Variants in LAMA2 observed in about 807,000 individuals in gnomAD.
The protein encoded by LAMA2 is laminin subunit alpha-2.
Under a neutral mutation model 364.8 loss-of-function variants are expected in LAMA2, and 269 were observed. The ratio of observed to expected loss-of-function variants is 0.74; its 90% CI spans 0.67 to 0.82. The LOEUF is 0.82. Among genes scored for constraint, LAMA2 ranks in the 40% least tolerant of loss-of-function variants. The pLI is 0.00. For missense variants in LAMA2, 3,807 were observed against 3,873.2 expected, an observed-to-expected ratio of 0.98 and a Z score of 0.45; for synonymous variants, 1,379 against 1,370.6, an observed-to-expected ratio of 1.01 and a Z score of -0.14.
chr6:129,332,584 A>G (rs897734661), intron 29 of LAMA2, among the ~76,000 whole-genome samples: 9 of 152,166 alleles, frequency 5.9e-5, no homozygotes, highest in African/African-American at 1.9e-4. Flanking sequence ...AAGAATTGCT[A>G]TATTTACACT....
At chr6:128,924,282 A>G (rs1204247251) in intron 1 of LAMA2, among the ~76,000 whole-genome samples, 1 of 152,116 alleles carries the variant, frequency 6.6e-6, no homozygotes, top group Admixed American at 6.5e-5. Flanking sequence ...TTCCATTAAC[A>G]TGGTGTTATA....
At chr6:128,910,282 C>T (rs563926124) in intron 1 of LAMA2, among the ~76,000 whole-genome samples, 19 of 152,370 alleles carry the variant, frequency 1.2e-4, no homozygotes, top group Non-Finnish European at 2.4e-4. Flanking sequence ...ACCAATCAGA[C>T]GTGGATTTGG....
chr6:128,949,748 A>T (rs998926691), intron 1 of LAMA2, among the ~76,000 whole-genome samples: 2 of 152,174 alleles, frequency 1.3e-5, no homozygotes, highest in African/African-American at 4.8e-5. Flanking sequence ...AGTCTTTTGT[A>T]ACTTATTTTA....
chr6:129,346,934 C>A (rs1451119664), intron 30 of LAMA2, among the ~76,000 whole-genome samples: 1 of 152,064 alleles, frequency 6.6e-6, no homozygotes, highest in Non-Finnish European at 1.5e-5. Flanking sequence ...CATGTGAATA[C>A]CTGCAGGAAG....
intron 40 of LAMA2, among the ~76,000 whole-genome samples, chr6:129,404,648 A>G (rs1780153879): frequency 6.6e-6 from 1 of 152,154 alleles, no homozygotes. Context: ...GGTTAAAAAA[A>G]TCTCATAGGA....
intron 3 of LAMA2, among the ~76,000 whole-genome samples, chr6:129,064,927 G>T (rs1190050730): frequency 3.3e-5 from 5 of 152,126 alleles, no homozygotes; most frequent in Admixed American, 2.6e-4. Flanking sequence ...CCAGCCATTA[G>T]CCTGATACCA....
At chr6:128,932,891 A>G (rs1376602976) in intron 1 of LAMA2, among the ~76,000 whole-genome samples, 2 of 152,176 alleles carry the variant, frequency 1.3e-5, no homozygotes, top group Non-Finnish European at 2.9e-5. Context: ...TTCCAAATAA[A>G]CAGTACAATA....
chr6:129,052,675 G>A (rs145533142), intron 2 of LAMA2, among the ~76,000 whole-genome samples: 103 of 152,164 alleles, frequency 6.8e-4, no homozygotes, highest in African/African-American at 2.4e-3. Flanking sequence ...TTTACTTTTG[G>A]TGGTGTACCT....
chr6:128,933,489 AT>A (rs1779622513), intron 1 of LAMA2, among the ~76,000 whole-genome samples: 1 of 152,152 alleles, frequency 6.6e-6, no homozygotes. Flanking sequence ...AAGAATCTCT[AT>A]GCTTAATGCT....
intron 41 of LAMA2, 21 bp downstream of exon 41, chr6:129,427,875 T>A (rs1227584664): frequency 6.9e-7 from 1 of 1,440,606 alleles, no homozygotes; most frequent in Non-Finnish European, 9.8e-7. Flanking sequence ...CCATAGTTTT[T>A]ATTATATTCC....
chr6:129,151,237 G>A (rs148968792), intron 7 of LAMA2, among the ~76,000 whole-genome samples: 102 of 152,260 alleles, frequency 6.7e-4, no homozygotes, highest in African/African-American at 2.4e-3. Context: ...TGGCATCAGG[G>A]TTTTACATAT....
chr6:129,466,808 A>G (rs1783567149), intron 51 of LAMA2, among the ~76,000 whole-genome samples: 1 of 151,924 alleles, frequency 6.6e-6, no homozygotes, highest in South Asian at 2.1e-4. Flanking sequence ...AAGAGATAAC[A>G]GAACCAGTGC....
chr6:128,932,290 T>A (rs1779532045), intron 1 of LAMA2, among the ~76,000 whole-genome samples: 1 of 152,208 alleles, frequency 6.6e-6, no homozygotes, highest in African/African-American at 2.4e-5. Flanking sequence ...TAGGAGTGAC[T>A]GGGCCTTGTG....
intron 49 of LAMA2, among the ~76,000 whole-genome samples, chr6:129,460,684 A>G (rs998704180): frequency 2.0e-5 from 3 of 151,752 alleles, no homozygotes; most frequent in Non-Finnish European, 4.4e-5. Context: ...TTTTTTTCCT[A>G]AAGAGAGCTT....
At chr6:129,505,125 A>G (rs989350782) in intron 60 of LAMA2, 75 bp from the exon 61 acceptor site, 8 of 1,287,950 alleles carry the variant, frequency 6.2e-6, no homozygotes, top group Non-Finnish European at 9.1e-6. Flanking sequence ...ACATCGTTAG[A>G]GTCCTTATGT....
intron 1 of LAMA2, among the ~76,000 whole-genome samples, chr6:128,915,610 A>G (rs1216541120): frequency 6.6e-6 from 1 of 152,178 alleles, no homozygotes; most frequent in Non-Finnish European, 1.5e-5. Flanking sequence ...CTGTGTGAGC[A>G]CTATTGAAGT....
At chr6:129,484,018 GA>G (rs1241001224) in intron 55 of LAMA2, among the ~76,000 whole-genome samples, 1 of 152,138 alleles carries the variant, frequency 6.6e-6, no homozygotes, top group Non-Finnish European at 1.5e-5. Flanking sequence ...AAAATTCTTA[GA>G]AGAAAATATA....
At chr6:129,288,164 A>T in intron 19 of LAMA2, 106 bp downstream of exon 19, 2 of 922,882 alleles carry the variant, frequency 2.2e-6, no homozygotes, top group Non-Finnish European at 3.6e-6. Flanking sequence ...TATGTGGAAT[A>T]CATGGTTGAT....
chr6:129,232,854 G>A (rs1784754671), intron 12 of LAMA2, among the ~76,000 whole-genome samples: 1 of 152,114 alleles, frequency 6.6e-6, no homozygotes, highest in South Asian at 2.1e-4. Context: ...ATGAAACAAT[G>A]GAAGAAGAGG....
Sources: allele counts gnomAD v4.1 joint callset (sites outside exome capture counted in the v4.1 genomes callset), GRCh38; gene constraint gnomAD v4.1.1; transcripts MANE v1.5; gene names NCBI Gene and HGNC (gene_info 2026-07-23, HGNC 2026-07-21).